ZNF804B: variants seen among roughly 807,000 people sequenced by gnomAD.
ZNF804B encodes zinc finger protein 804B, also known as zinc finger 804B.
In ZNF804B, 80 loss-of-function variants were observed where a neutral mutation model predicts 101.4. The observed-to-expected ratio is 0.79, with a 90% CI of 0.66 to 0.95. The LOEUF (loss-of-function observed/expected upper bound fraction) is 0.95. Ranked by LOEUF, ZNF804B falls within the 40% of genes least tolerant of loss-of-function variation. The pLI is 0.00. For missense variants in ZNF804B, 1,673 were observed against 1,561.9 expected (o/e 1.07, Z -1.20); for synonymous variants, 622 against 558.8 (o/e 1.11, Z -1.59).
At chr7:88,797,529 T>C (rs1297909722) in intron 1 of ZNF804B, among the ~76,000 whole-genome samples, 3 of 152,184 alleles carry the variant, frequency 2.0e-5, no homozygotes, top group East Asian at 3.9e-4. Flanking sequence ...TTTCCAGTCA[T>C]GGATTAAACC....
chr7:89,166,618 C>A (rs1791147939), intron 1 of ZNF804B, among the ~76,000 whole-genome samples: 1 of 152,126 alleles, frequency 6.6e-6, no homozygotes. Flanking sequence ...CATGACTTTT[C>A]TCTGATTTTT....
At chr7:89,320,678 T>TC (rs1790805025) in intron 2 of ZNF804B, among the ~76,000 whole-genome samples, 1 of 151,996 alleles carries the variant, frequency 6.6e-6, no homozygotes, top group African/African-American at 2.4e-5. Context: ...GCTCAGAGTA[T>TC]CCCTAAAAGG....
At chr7:88,919,150 C>T (rs1446869813) in intron 1 of ZNF804B, among the ~76,000 whole-genome samples, 1 of 152,090 alleles carries the variant, frequency 6.6e-6, no homozygotes, top group Non-Finnish European at 1.5e-5. Context: ...AACCATATTT[C>T]TAGATGCCTT....
At chr7:89,017,739 C>T (rs564657820) in intron 1 of ZNF804B, among the ~76,000 whole-genome samples, 1 of 152,160 alleles carries the variant, frequency 6.6e-6, no homozygotes, top group African/African-American at 2.4e-5. Context: ...TGATCACCTT[C>T]TTGGTTAAAT....
chr7:88,907,339 GTTAATA>G (rs1277829513), intron 1 of ZNF804B, among the ~76,000 whole-genome samples: 2 of 151,824 alleles, frequency 1.3e-5, no homozygotes, highest in African/African-American at 4.8e-5. Context: ...TAAATTCAGA[GTTAATA>G]TTAATATGTG....
At chr7:89,166,150 T>A (rs2116426568) in intron 1 of ZNF804B, among the ~76,000 whole-genome samples, 1 of 152,262 alleles carries the variant, frequency 6.6e-6, no homozygotes, top group Non-Finnish European at 1.5e-5. Flanking sequence ...TAGTGTGCAA[T>A]TATTTTATTG....
rs191807893 is a variant in ZNF804B at position 89,275,746 on chromosome 7, T to C, written c.250-51598T>C. On this transcript the variant is annotated intron_variant, in intron 2 of 3. Transcript: ENST00000333190. ...AGATTTTATTGTGTTATGCTAGATA[T>C]TTTACTTATGAACTTTTTATTTTCT... 2.3e-4 allele frequency among the ~76,000 whole-genome samples: 35 copies of C among 152,082 alleles called. 2 individuals carry two copies. The highest frequency in any genetic ancestry group is 2.1e-3 in the Admixed American group (32 of 15,272).
chr7:89,299,372 C>G (rs1790443734), intron 2 of ZNF804B, among the ~76,000 whole-genome samples: 1 of 151,936 alleles, frequency 6.6e-6, no homozygotes, highest in South Asian at 2.1e-4. Context: ...TGCTAGATTG[C>G]AATTCAAAAT....
At chr7:89,142,900 A>G (rs776290236) in intron 1 of ZNF804B, among the ~76,000 whole-genome samples, 2 of 152,014 alleles carry the variant, frequency 1.3e-5, no homozygotes, top group Non-Finnish European at 2.9e-5. Flanking sequence ...AGAATTGCAA[A>G]CTAACACCAA....
At chr7:89,216,236 AG>A (rs1788893962) in intron 1 of ZNF804B, among the ~76,000 whole-genome samples, 1 of 152,032 alleles carries the variant, frequency 6.6e-6, no homozygotes, top group Admixed American at 6.5e-5. Flanking sequence ...GAACTCCGGG[AG>A]GGGGAGGTCG....
intron 2 of ZNF804B, among the ~76,000 whole-genome samples, chr7:89,247,393 G>A (rs58258627): frequency 0.036 from 5,432 of 152,204 alleles, 303 homozygotes; most frequent in African/African-American, 0.12. Flanking sequence ...TGTGTTGGTC[G>A]CAGCTAGCTC....
intron 1 of ZNF804B, among the ~76,000 whole-genome samples, chr7:89,020,369 G>T (rs1483566419): frequency 6.6e-6 from 1 of 151,956 alleles, no homozygotes; most frequent in East Asian, 1.9e-4. Context: ...GTTTGTTTTA[G>T]TATTTTGAAT....
chr7:89,037,755 G>T (rs1359965606), intron 1 of ZNF804B, among the ~76,000 whole-genome samples: 1 of 151,950 alleles, frequency 6.6e-6, no homozygotes, highest in Non-Finnish European at 1.5e-5. Flanking sequence ...TCCAGAATTT[G>T]TTCATCCTGC....
chr7:88,870,384 CAA>C (rs1212123301), intron 1 of ZNF804B, among the ~76,000 whole-genome samples: 15 of 36,066 alleles, frequency 4.2e-4, no homozygotes, highest in African/African-American at 9.4e-4. Context: ...AACTCCGTCT[CAA>C]AAAAAAAAAA....
chr7:89,080,349 ATAT>A (rs1789678202), intron 1 of ZNF804B, among the ~76,000 whole-genome samples: 1 of 152,058 alleles, frequency 6.6e-6, no homozygotes, highest in East Asian at 1.9e-4. Context: ...TTGTAGAAAC[ATAT>A]TATAAAAATT....
chr7:89,039,171 C>G (rs1178873009), intron 1 of ZNF804B, among the ~76,000 whole-genome samples: 1 of 151,474 alleles, frequency 6.6e-6, no homozygotes, highest in Non-Finnish European at 1.5e-5. Context: ...TGGTTTTATA[C>G]TACTTTTAGG....
At chr7:89,054,538 G>T (rs953108143) in intron 1 of ZNF804B, among the ~76,000 whole-genome samples, 7 of 151,896 alleles carry the variant, frequency 4.6e-5, no homozygotes, top group Admixed American at 6.6e-5. Flanking sequence ...GGAAATGATT[G>T]TGGCTTAGAA....
intron 1 of ZNF804B, among the ~76,000 whole-genome samples, chr7:89,169,060 C>T (rs13221795): frequency 0.41 from 61,811 of 151,918 alleles, 13,159 homozygotes; most frequent in Non-Finnish European, 0.47. Context: ...TCAGCTCAAT[C>T]AGGACGAACC....
intron 1 of ZNF804B, among the ~76,000 whole-genome samples, chr7:89,015,686 A>C (rs1426316097): frequency 2.0e-5 from 3 of 152,132 alleles, no homozygotes; most frequent in Non-Finnish European, 4.4e-5. Flanking sequence ...TTATGGCTGC[A>C]TAGTATTCCA....
Sources: allele counts gnomAD v4.1 joint callset (sites outside exome capture counted in the v4.1 genomes callset), GRCh38; gene constraint gnomAD v4.1.1; transcripts MANE v1.5; gene names NCBI Gene and HGNC (gene_info 2026-07-23, HGNC 2026-07-21).